Variants in EPS8 observed in about 807,000 individuals in gnomAD.
EPS8 encodes the protein epidermal growth factor receptor kinase substrate 8.
EPS8 carries 42 observed loss-of-function variants against 103.8 expected under a neutral mutation model. That is an observed-to-expected ratio of 0.40 (90% confidence interval 0.32 to 0.52). The LOEUF is 0.52. Among genes scored for constraint, EPS8 ranks in the 20% least tolerant of loss-of-function variants. The pLI is 0.40. For synonymous variants in EPS8, 344 were observed against 344.6 expected (o/e 1.00, Z 0.02); for missense variants, 969 against 1,005.1 (o/e 0.96, Z 0.49).
chr12:15,663,950 T>TAATAATAATAATA lies in EPS8; in HGVS notation c.736+1805_736+1806insTATTATTATTATT, dbSNP rs375723916. Reference sequence around the variant, plus strand: ...AAAAAAAAAAAAAAAAAAAAAATAATATATATATATATATATATATATATA... The same window carrying TAATAATAATAATA: ...AAAAAAAAAAAAAAAAAAAAAATAATAATAATAATAATAATATATATATATATATATATATATA... On this transcript the variant is annotated intron_variant, in intron 8 of 20. Coordinates refer to ENST00000281172, the MANE Select transcript of EPS8 (RefSeq NM_004447.6). Among the ~76,000 whole-genome samples, 172 of 61,716 alleles carry TAATAATAATAATA rather than the reference T, an allele frequency of 2.8e-3. 1 individual carries two copies. The highest frequency in any genetic ancestry group is 7.1e-3 in the South Asian group (11 of 1,560). The allele number at this position is 61,716 out of a possible 152,430, so 40.5% of individuals were successfully genotyped here. A position where few individuals can be genotyped will look rare whatever the true frequency, so the allele number is the denominator to read the frequency against.
intron 8 of EPS8, chr12:15,662,642 A>G (rs1945626026): frequency 1.0e-6 from 1 of 985,510 alleles, no homozygotes; most frequent in African/African-American, 1.7e-5. Context: ...TTAAAAGCAG[A>G]CAGAAATTTT....
Position 15,733,668 on chromosome 12 carries a change from AAAAC to A in EPS8, c.-21-50700_-21-50697del, listed in dbSNP as rs1224391627. Reference sequence around the variant, plus strand: ...ACAGAAATAAAGGCAGGTAAAAAGAAAAACAAACAAACAGAAAAACTAATGGAGA... The same window carrying A: ...ACAGAAATAAAGGCAGGTAAAAAGAAAAACAAACAGAAAAACTAATGGAGA... On this transcript the variant is annotated intron_variant, in intron 1 of 20. Transcript: ENST00000281172. The surrounding 1 kb of genome is among the most constrained non-coding windows in gnomAD (Gnocchi z 4.8). Among the ~76,000 whole-genome samples, 2 of 152,178 alleles carry A rather than the reference AAAAC, an allele frequency of 1.3e-5. No individual in the cohort carries two copies. The highest frequency in any genetic ancestry group is 2.9e-5 in the Non-Finnish European group (2 of 68,030).
rs1947217655 is a variant in EPS8 at position 15,777,383 on chromosome 12, G to A, written c.-22+11778C>T. On this transcript the variant is annotated intron_variant, in intron 1 of 20. Transcript: ENST00000281172. This position sits in a 1 kb window ranked among gnomAD's most constrained non-coding sequence, Gnocchi z 4.7. ...CTAATCAGTATAAAAACTGAATGGT[G>A]TTAAGATGCATTCCAGTTAAAGTTA... Among the ~76,000 whole-genome samples, 1 of 152,108 alleles carries A rather than the reference G, an allele frequency of 6.6e-6. No homozygotes were observed. Among genetic ancestry groups the A allele is most frequent in the South Asian group, 2.1e-4 (1 of 4,830 alleles).
chr12:15,685,268 C>T lies in EPS8; in HGVS notation c.-21-2296G>A, dbSNP rs147400947. ...CCTCTGGCCTCTGTCTCAATGTCCT[C>T]GTCAGTAAAATAGAGATAATTCTTC... On this transcript the variant is annotated intron_variant, in intron 1 of 20. Transcript: ENST00000281172. Among the ~76,000 whole-genome samples the T allele has an allele frequency of 3.4e-4, 51 of 152,130 alleles. No individual in the cohort carries two copies. In the East Asian group the frequency reaches 9.5e-3, roughly 28 times the overall value.
chr12:15,653,659 T>A (rs1299489518), intron 13 of EPS8, among the ~76,000 whole-genome samples: 1 of 152,124 alleles, frequency 6.6e-6, no homozygotes, highest in East Asian at 1.9e-4. Context: ...ATGGCACGAG[T>A]TCACATCCCT....
rs373134765 is a variant in EPS8, at chr12:15,697,222, C to T, written c.-21-14250G>A. Among the ~76,000 whole-genome samples the T allele has an allele frequency of 6.6e-6, 1 of 152,156 alleles. No homozygotes were observed. The highest frequency in any genetic ancestry group is 6.5e-5 in the Admixed American group (1 of 15,268). ...CAAACTGATTAAAATGTCTAAATAA[C>T]CCCCCAAATTAACTCCAGCTCTTGA... is the stretch of plus-strand genomic sequence containing the variant. On this transcript the variant is annotated intron_variant, in intron 1 of 20. Transcript: ENST00000281172. This position sits in a 1 kb window ranked among gnomAD's most constrained non-coding sequence, Gnocchi z 5.6.
chr12:15,703,351 T>C (rs10744096), intron 1 of EPS8, among the ~76,000 whole-genome samples: 143,611 of 152,196 alleles, frequency 0.94, 68,310 homozygotes, highest in East Asian at 1. Context: ...TATTACTGTA[T>C]GAACAATGTA....
At position 15,641,780 on chromosome 12, in the gene EPS8, T is replaced by A. The variant is rs1945235381; in HGVS notation, c.1619A>T (p.Tyr540Phe). Reference sequence around the variant, plus strand: ...ACTGTTGTTCCTTGCTACAAAGTCATACTTGGATTTGGCATATTTCTTGGG... The same window carrying A: ...ACTGTTGTTCCTTGCTACAAAGTCAAACTTGGATTTGGCATATTTCTTGGG... ...TQPKKYAKSK[Y>F]DFVARNNSEL... Residue 540 changes from tyrosine to phenylalanine, a missense_variant, in exon 16 of 21, where the codon TAT (tyrosine) becomes TTT (phenylalanine). Tyr to Phe is a conservative substitution (Grantham distance 22, BLOSUM62 3). Coordinates refer to ENST00000281172, the MANE Select transcript of EPS8 (RefSeq NM_004447.6). 6.2e-7 allele frequency: 1 copy of A among 1,602,490 alleles called. No individual in the cohort carries two copies. Among genetic ancestry groups the A allele is most frequent in the African/African-American group, 1.3e-5 (1 of 74,602 alleles).
chr12:15,640,936 C>G (rs1945217631), intron 16 of EPS8, 90 bp from the exon 17 acceptor site: 1 of 1,138,068 alleles, frequency 8.8e-7, no homozygotes, highest in Non-Finnish European at 1.3e-6. Context: ...GAAAATTTTT[C>G]TACTTCTGAT....
In EPS8 at chr12:15,731,350, G is replaced by A. The variant is rs1946714154; in HGVS notation, c.-21-48378C>T. On this transcript the variant is annotated intron_variant, in intron 1 of 20. Coordinates refer to ENST00000281172, the MANE Select transcript of EPS8 (RefSeq NM_004447.6). The surrounding 1 kb of genome is among the most constrained non-coding windows in gnomAD (Gnocchi z 5.1). ...GTCTCACTGTGTTGCCCAGGCTGAA[G>A]TGCAATGGCACAATCTCGGCTCACT... 6.6e-6 allele frequency among the ~76,000 whole-genome samples: 1 copy of A among 151,852 alleles called. No individual in the cohort carries two copies. Among genetic ancestry groups the A allele is most frequent in the East Asian group, 1.9e-4 (1 of 5,182 alleles).
chr12:15,746,867 C>T (rs967984185), intron 1 of EPS8, among the ~76,000 whole-genome samples: 2 of 152,154 alleles, frequency 1.3e-5, no homozygotes, highest in African/African-American at 4.8e-5. Flanking sequence ...CTACTGTCCA[C>T]TACTGTTTGC....
chr12:15,631,154 G>A (rs1386141220), intron 18 of EPS8, among the ~76,000 whole-genome samples: 3 of 152,174 alleles, frequency 2.0e-5, no homozygotes, highest in African/African-American at 4.8e-5. Context: ...GCTGGCAAGT[G>A]TTGTTTTGGT....
At chr12:15,703,378 C>T (rs1946337688) in intron 1 of EPS8, among the ~76,000 whole-genome samples, 1 of 152,064 alleles carries the variant, frequency 6.6e-6, no homozygotes, top group South Asian at 2.1e-4. Context: ...AAGTGTCTAC[C>T]TATGGAAGCT....
intron 14 of EPS8, among the ~76,000 whole-genome samples, chr12:15,648,781 T>A (rs4237953): frequency 0.91 from 138,809 of 152,184 alleles, 64,047 homozygotes; most frequent in Non-Finnish European, 0.98. Flanking sequence ...TGATGACAAA[T>A]GACTAACTGT....
chr12:15,771,174 T>C lies in EPS8; in HGVS notation c.-22+17987A>G, dbSNP rs1272490682. Among the ~76,000 whole-genome samples, 3 of 152,206 alleles carry C rather than the reference T, an allele frequency of 2.0e-5. No individual in the cohort carries two copies. The highest frequency in any genetic ancestry group is 1.3e-4 in the Admixed American group (2 of 15,284). Reference sequence around the variant, plus strand: ...TTAACTGATGGATTCGATTTGTATATAGAGATAAATTAAAAAGTTATTCCA... The same window carrying C: ...TTAACTGATGGATTCGATTTGTATACAGAGATAAATTAAAAAGTTATTCCA... On this transcript the variant is annotated intron_variant, in intron 1 of 20. Transcript: ENST00000281172. This position sits in a 1 kb window ranked among gnomAD's most constrained non-coding sequence, Gnocchi z 4.6.
At position 15,663,924 on chromosome 12, in the gene EPS8, A is replaced by AAAT. The variant is rs1432898552; in HGVS notation, c.737-1826_737-1825insATT. Among the ~76,000 whole-genome samples, 11 of 6,480 alleles carry AAAT rather than the reference A, an allele frequency of 1.7e-3. 1 individual carries two copies. Among genetic ancestry groups the AAAT allele is most frequent in the African/African-American group, 3.3e-3 (11 of 3,374 alleles). The allele number at this position is 6,480 out of a possible 152,430, so 4.3% of individuals were successfully genotyped here. On this transcript the variant is annotated intron_variant, in intron 8 of 20. Coordinates refer to ENST00000281172, the MANE Select transcript of EPS8 (RefSeq NM_004447.6). The stretch of plus-strand genomic sequence containing the variant: ...TGACAGAGCAACACTCCATCTCAAA[A>AAAT]AAAAAAAAAAAAAAAAAAAAAATAA...
intron 1 of EPS8, among the ~76,000 whole-genome samples, chr12:15,755,815 T>C (rs987696621): frequency 1.3e-4 from 20 of 152,182 alleles, no homozygotes; most frequent in Non-Finnish European, 2.6e-4. Context: ...CTTTACTCTG[T>C]AGTTTTGCTC....
intron 1 of EPS8, among the ~76,000 whole-genome samples, chr12:15,741,016 T>A (rs1946815659): frequency 6.6e-6 from 1 of 152,046 alleles, no homozygotes. Flanking sequence ...AAAGTCCAAA[T>A]TCCCAGGCAG....
At chr12:15,718,645 G>C (rs925413826) in intron 1 of EPS8, among the ~76,000 whole-genome samples, 4 of 152,118 alleles carry the variant, frequency 2.6e-5, no homozygotes, top group Non-Finnish European at 5.9e-5. Context: ...TAATTAGCTT[G>C]ATGAGTGCAT....
Sources: gnomAD v4.1 joint callset for allele counts (sites outside exome capture counted in the v4.1 genomes callset) on GRCh38, gnomAD v4.1.1 for gene constraint, Gnocchi (gnomAD v3.1) non-coding constraint, MANE v1.5 for transcripts, NCBI Gene and HGNC (gene_info 2026-07-23, HGNC 2026-07-21) for gene names.